Variants in THRB observed in about 807,000 individuals in gnomAD.
The protein encoded by THRB is nuclear receptor subfamily 1 group A member 2.
In THRB, 12 loss-of-function variants were observed where a neutral mutation model predicts 47.8. The ratio of observed to expected loss-of-function variants is 0.25; its 90% CI spans 0.16 to 0.41. The LOEUF (loss-of-function observed/expected upper bound fraction) is 0.41. Ranked by LOEUF, THRB falls within the 10% of genes least tolerant of loss-of-function variation. The pLI is 1.00. For missense variants in THRB, 348 were observed against 589.2 expected (o/e 0.59, Z 4.24); for synonymous variants, 218 against 212.2 (o/e 1.03, Z -0.24).
At chr3:24,362,213 C>G (rs968130700) in intron 1 of THRB, among the ~76,000 whole-genome samples, 1 of 152,090 alleles carries the variant, frequency 6.6e-6, no homozygotes, top group Non-Finnish European at 1.5e-5. Context: ...AGGCGAAGTC[C>G]CTTTCACAGT....
chr3:24,310,045 C>T (rs2057641895), intron 2 of THRB, among the ~76,000 whole-genome samples: 1 of 152,118 alleles, frequency 6.6e-6, no homozygotes, highest in Non-Finnish European at 1.5e-5. Flanking sequence ...AGTGGGCTTG[C>T]TACCCTAAAT....
intron 2 of THRB, among the ~76,000 whole-genome samples, chr3:24,336,182 G>T (rs903190484): frequency 2.5e-4 from 38 of 152,216 alleles, no homozygotes; most frequent in Admixed American, 2.5e-3. Flanking sequence ...GTCCTCTCTA[G>T]GGAGGGCTGG....
chr3:24,438,087 T>A (rs369222645), intron 1 of THRB, among the ~76,000 whole-genome samples: 1 of 2,806 alleles, frequency 3.6e-4, no homozygotes, highest in East Asian at 0.024. Flanking sequence ...GCAGGCACAA[T>A]TTTTTTTTTT....
chr3:24,368,671 C>G (rs1411516983), intron 1 of THRB, among the ~76,000 whole-genome samples: 1 of 152,170 alleles, frequency 6.6e-6, no homozygotes, highest in Non-Finnish European at 1.5e-5. Flanking sequence ...ACCACAGAAG[C>G]CAATGAAGGC....
chr3:24,193,795 A>G (rs2043635829), intron 4 of THRB, among the ~76,000 whole-genome samples: 2 of 151,946 alleles, frequency 1.3e-5, no homozygotes, highest in South Asian at 4.1e-4. Context: ...AAAAGAAGTC[A>G]TTATATGAAA....
At chr3:24,163,375 TAAAG>T (rs1375404038) in intron 5 of THRB, among the ~76,000 whole-genome samples, 6 of 152,160 alleles carry the variant, frequency 3.9e-5, no homozygotes. Context: ...AATTAATTAA[TAAAG>T]AACCCCTGGT....
intron 1 of THRB, among the ~76,000 whole-genome samples, chr3:24,386,472 A>C (rs2066112734): frequency 6.6e-6 from 1 of 151,980 alleles, no homozygotes; most frequent in Non-Finnish European, 1.5e-5. Flanking sequence ...AGGAATAAAA[A>C]CCCCAACCCC....
chr3:24,134,772 G>T (rs2034397286), intron 8 of THRB, among the ~76,000 whole-genome samples: 1 of 152,174 alleles, frequency 6.6e-6, no homozygotes, highest in Non-Finnish European at 1.5e-5. Context: ...CCCAGTGGTG[G>T]CCACCTTTGC....
chr3:24,158,432 T>TG (rs2038215597), intron 5 of THRB, among the ~76,000 whole-genome samples: 8 of 80,424 alleles, frequency 9.9e-5, no homozygotes, highest in African/African-American at 5.8e-4. Context: ...TTTTTTTTTT[T>TG]TGGGGGGAGG....
At chr3:24,381,858 T>C (rs1310975005) in intron 1 of THRB, among the ~76,000 whole-genome samples, 1 of 152,012 alleles carries the variant, frequency 6.6e-6, no homozygotes, top group Non-Finnish European at 1.5e-5. Flanking sequence ...AAGTCAAGTA[T>C]GATTTACAGA....
intron 3 of THRB, among the ~76,000 whole-genome samples, chr3:24,259,143 T>G (rs761302568): frequency 9.9e-5 from 15 of 152,100 alleles, no homozygotes; most frequent in Non-Finnish European, 5.9e-5. Context: ...GGAGCATCAG[T>G]CTCGACAGAA....
intron 1 of THRB, among the ~76,000 whole-genome samples, chr3:24,444,080 A>G (rs547884218): frequency 2.4e-4 from 37 of 152,284 alleles, no homozygotes; most frequent in African/African-American, 8.2e-4. Context: ...TTTCTTTAAC[A>G]TGGTTAGAAA....
At chr3:24,408,781 T>C (rs2068035577) in intron 1 of THRB, among the ~76,000 whole-genome samples, 1 of 151,840 alleles carries the variant, frequency 6.6e-6, no homozygotes, top group African/African-American at 2.4e-5. Context: ...AGACACATTT[T>C]CATTTACTTT....
At chr3:24,123,191 T>C (rs1408046717) in intron 10 of THRB, 66 bp from the exon 11 acceptor site, 15 of 1,603,432 alleles carry the variant, frequency 9.4e-6, no homozygotes, top group African/African-American at 1.3e-5. Context: ...CTTTGTCCAA[T>C]TCCAGGCCTT....
At chr3:24,447,309 T>C (rs1397569931) in intron 1 of THRB, among the ~76,000 whole-genome samples, 1 of 152,216 alleles carries the variant, frequency 6.6e-6, no homozygotes, top group Non-Finnish European at 1.5e-5. Context: ...TATTTTGTAC[T>C]CTGTAATGAT....
intron 5 of THRB, among the ~76,000 whole-genome samples, chr3:24,173,140 C>CG (rs781091868): frequency 4.5e-4 from 69 of 152,234 alleles, no homozygotes; most frequent in Middle Eastern, 3.4e-3. Context: ...ATCGTAAACT[C>CG]TGGGGGGTGG....
Position 24,489,394 on chromosome 3 carries a change from C to T in THRB, c.-261+5258G>A, listed in dbSNP as rs539041182. 3.3e-5 allele frequency among the ~76,000 whole-genome samples: 5 copies of T among 152,272 alleles called. No homozygotes were observed. In the South Asian group the frequency reaches 1.0e-3, roughly 32 times the overall value. ...GTATTCTGGGTTGCTACAGGTAGAT[C>T]TGCCTTCTGTGCAAATTTAATGTGT... On this transcript the variant is annotated intron_variant, in intron 1 of 10. Transcript: ENST00000646209.
At chr3:24,132,697 G>A (rs1321002545) in intron 9 of THRB, among the ~76,000 whole-genome samples, 2 of 152,190 alleles carry the variant, frequency 1.3e-5, no homozygotes, top group African/African-American at 2.4e-5. Flanking sequence ...AGCTCTACAG[G>A]GTGCCCTGAA....
At chr3:24,352,546 T>C (rs1207753822) in intron 1 of THRB, among the ~76,000 whole-genome samples, 1 of 152,182 alleles carries the variant, frequency 6.6e-6, no homozygotes, top group Non-Finnish European at 1.5e-5. Flanking sequence ...ACAGGAACAT[T>C]TGTTTTAGCA....
Sources: allele counts gnomAD v4.1 joint callset (sites outside exome capture counted in the v4.1 genomes callset), GRCh38; gene constraint gnomAD v4.1.1; transcripts MANE v1.5; gene names NCBI Gene and HGNC (gene_info 2026-07-23, HGNC 2026-07-21).